The following WDFY2 variants were observed in gnomAD, a reference collection of about 807,000 sequenced individuals.
WDFY2 encodes the protein WD repeat and FYVE domain-containing protein 2.
A neutral mutation model predicts 56.4 loss-of-function variants in WDFY2; 36 were observed. That is an observed-to-expected ratio of 0.64 (90% CI 0.49 to 0.84). The LOEUF (loss-of-function observed/expected upper bound fraction) is 0.84. Among genes scored for constraint, WDFY2 ranks in the 40% least tolerant of loss-of-function variants. The pLI is 0.00. For missense variants in WDFY2, 444 were observed against 512.2 expected, an observed-to-expected ratio of 0.87 and a Z score of 1.29; for synonymous variants, 176 against 183.7, an observed-to-expected ratio of 0.96 and a Z score of 0.34.
rs1409985332 is a variant in WDFY2, at chr13:51,694,085, G to A, written c.280-9511G>A. The stretch of plus-strand genomic sequence containing the variant: ...TTTGAGCCTATGTGTGTCTCTGCAC[G>A]TGAGATGGGTTTCCTGAATACAGCA... On this transcript the variant is annotated intron_variant, in intron 3 of 11. Transcript: ENST00000298125. 4.6e-5 allele frequency among the ~76,000 whole-genome samples: 7 copies of A among 152,074 alleles called. No individual in the cohort carries two copies. The South Asian group carries it at 1.0e-3, about 23-fold the overall frequency.
chr13:51,634,304 T>A (rs1955006466), intron 1 of WDFY2, among the ~76,000 whole-genome samples: 1 of 151,976 alleles, frequency 6.6e-6, no homozygotes, highest in Admixed American at 6.6e-5. Flanking sequence ...AATCTTACTC[T>A]GTGAGTTCTG....
At chr13:51,720,329 G>T (rs546687530) in intron 5 of WDFY2, among the ~76,000 whole-genome samples, 1 of 152,288 alleles carries the variant, frequency 6.6e-6, no homozygotes, top group Non-Finnish European at 1.5e-5. Flanking sequence ...GCAAGGTGAA[G>T]AAACTTAGAA....
At chr13:51,638,114 A>G (rs962336910) in intron 1 of WDFY2, among the ~76,000 whole-genome samples, 14 of 152,216 alleles carry the variant, frequency 9.2e-5, no homozygotes, top group African/African-American at 3.4e-4. Context: ...GGATAGGGTC[A>G]GAGAAACAGA....
intron 1 of WDFY2, among the ~76,000 whole-genome samples, chr13:51,654,244 C>A (rs1463114386): frequency 6.6e-6 from 1 of 152,238 alleles, no homozygotes; most frequent in Non-Finnish European, 1.5e-5. Context: ...TTTGCTAAGA[C>A]TGTCGGAAAA....
rs1186948094 is a variant in WDFY2 at position 51,755,426 on chromosome 13, A to C, written c.900A>C (p.Gln300His). 3 of 1,614,094 alleles carry C rather than the reference A, an allele frequency of 1.9e-6. No homozygotes were observed. The highest frequency in any genetic ancestry group is 2.5e-6 in the Non-Finnish European group (3 of 1,180,040). ...AGCCTTTCTTCTGGAACTTCAAGCAAATGTGGGACAGTAAGAAAATTGGTC... is the reference window on the plus strand; with the variant it reads ...AGCCTTTCTTCTGGAACTTCAAGCACATGTGGGACAGTAAGAAAATTGGTC... ...CDQPFFWNFK[Q>H]MWDSKKIGLR... Residue 300 changes from glutamine (Q) to histidine (H), a missense_variant, in exon 9 of 12, where the codon CAA becomes CAC. Transcript: ENST00000298125.
chr13:51,700,963 G>A (rs865782326), intron 3 of WDFY2, among the ~76,000 whole-genome samples: 1 of 151,924 alleles, frequency 6.6e-6, no homozygotes. Flanking sequence ...GCGAAGCTCT[G>A]TCTCAAAAAA....
rs541294213 is a variant in WDFY2 at position 51,667,767 on chromosome 13, A to G, written c.205+7104A>G. On this transcript the variant is annotated intron_variant, in intron 2 of 11. Transcript: ENST00000298125. ...CTTTCTTTTTGGTATAGGTTATATTATGGAACCATGTGTGATTTGTTGTTT... is the reference window on the plus strand; with the variant it reads ...CTTTCTTTTTGGTATAGGTTATATTGTGGAACCATGTGTGATTTGTTGTTT... 3.2e-4 allele frequency among the ~76,000 whole-genome samples: 49 copies of G among 151,196 alleles called. No individual in the cohort carries two copies. In the South Asian group the frequency reaches 9.4e-3, roughly 29 times the overall value.
intron 1 of WDFY2, among the ~76,000 whole-genome samples, chr13:51,649,423 C>CTT (rs869208487): frequency 1.4e-5 from 2 of 139,814 alleles, no homozygotes; most frequent in African/African-American, 2.6e-5. Context: ...AGCGGTCAGA[C>CTT]TTTTTTTTTT....
chr13:51,756,836 A>C (rs1953399431), intron 10 of WDFY2, among the ~76,000 whole-genome samples: 1 of 152,206 alleles, frequency 6.6e-6, no homozygotes, highest in Non-Finnish European at 1.5e-5. Flanking sequence ...GAGTGAGTCC[A>C]TGGGTCCAGA....
intron 4 of WDFY2, among the ~76,000 whole-genome samples, chr13:51,713,760 T>A (rs192957335): frequency 3.3e-5 from 5 of 151,346 alleles, no homozygotes; most frequent in African/African-American, 1.2e-4. Flanking sequence ...TGCAAGGGAA[T>A]TGCTTGAACC....
At chr13:51,718,300 C>T (rs1952405322) in intron 4 of WDFY2, among the ~76,000 whole-genome samples, 1 of 152,104 alleles carries the variant, frequency 6.6e-6, no homozygotes, top group Non-Finnish European at 1.5e-5. Flanking sequence ...TGCAGATGCC[C>T]TCCACTTTAC....
chr13:51,736,075 A>G (rs916501377), intron 6 of WDFY2, among the ~76,000 whole-genome samples: 4 of 152,202 alleles, frequency 2.6e-5, no homozygotes, highest in Admixed American at 2.0e-4. Flanking sequence ...AGCATAGAAT[A>G]AGCTGACTGG....
chr13:51,586,727 A>G (rs763974593), intron 1 of WDFY2: 11 of 152,226 alleles, frequency 7.2e-5, no homozygotes, highest in Non-Finnish European at 2.9e-5. Flanking sequence ...ATGTTCAGCT[A>G]TGTCTTAGCC....
rs570010473 is a variant in WDFY2, at chr13:51,723,646, C to G, written c.486-4032C>G. Among the ~76,000 whole-genome samples, 98 of 152,308 alleles carry G rather than the reference C, an allele frequency of 6.4e-4. 2 individuals are homozygous for G. Among genetic ancestry groups the G allele is most frequent in the Middle Eastern group, 3.4e-3 (1 of 294 alleles). On this transcript the variant is annotated intron_variant, in intron 5 of 11. Coordinates refer to ENST00000298125, the MANE Select transcript of WDFY2 (RefSeq NM_052950.4). Reference sequence around the variant, plus strand: ...TTCAGATTCAGCCTTTTAGTGAGAGCATTTGGTTCTCACCAAGTGTGCTTC... The same window carrying G: ...TTCAGATTCAGCCTTTTAGTGAGAGGATTTGGTTCTCACCAAGTGTGCTTC...
At chr13:51,743,865 AC>A (rs1953032370) in intron 7 of WDFY2, among the ~76,000 whole-genome samples, 1 of 152,210 alleles carries the variant, frequency 6.6e-6, no homozygotes, top group African/African-American at 2.4e-5. Flanking sequence ...TTAGGAGGTT[AC>A]CCAGAACAGA....
intron 1 of WDFY2, among the ~76,000 whole-genome samples, chr13:51,658,590 A>G (rs992229410): frequency 6.6e-6 from 1 of 152,218 alleles, no homozygotes; most frequent in African/African-American, 2.4e-5. Flanking sequence ...TTAGTCCACC[A>G]TCTTCTGTGA....
chr13:51,729,855 A>G (rs1263160527), intron 6 of WDFY2, among the ~76,000 whole-genome samples: 1 of 152,236 alleles, frequency 6.6e-6, no homozygotes, highest in African/African-American at 2.4e-5. Flanking sequence ...CATTTTAACC[A>G]TTTTTAAATG....
At chr13:51,605,694 TAAGTA>T (rs1954373323) in intron 1 of WDFY2, among the ~76,000 whole-genome samples, 1 of 152,202 alleles carries the variant, frequency 6.6e-6, no homozygotes, top group African/African-American at 2.4e-5. Flanking sequence ...GAAATAAGTT[TAAGTA>T]AAGTTTAGAA....
At chr13:51,729,423 A>C (rs1952674483) in intron 6 of WDFY2, among the ~76,000 whole-genome samples, 1 of 151,910 alleles carries the variant, frequency 6.6e-6, no homozygotes, top group African/African-American at 2.4e-5. Flanking sequence ...AAAAAAAAAA[A>C]AAAACCACAT....
Sources: allele counts gnomAD v4.1 joint callset (sites outside exome capture counted in the v4.1 genomes callset), GRCh38; gene constraint gnomAD v4.1.1; transcripts MANE v1.5; gene names NCBI Gene and HGNC (gene_info 2026-07-23, HGNC 2026-07-21).